The following COMMD10 variants were observed in gnomAD, a reference collection of about 807,000 sequenced individuals.
The protein encoded by COMMD10 is COMM domain containing 10.
In COMMD10, 33 loss-of-function variants were observed where a neutral mutation model predicts 28.9. The ratio of observed to expected loss-of-function variants is 1.14; its 90% confidence interval spans 0.87 to 1.53. The LOEUF is 1.53. COMMD10 is among the 40% of genes most tolerant of loss of function. COMMD10 has a pLI of 0.00. For synonymous variants in COMMD10, 110 were observed against 81.7 expected (o/e 1.35, Z -1.87); for missense variants, 310 against 233.4 (o/e 1.33, Z -2.14).
intron 4 of COMMD10, among the ~76,000 whole-genome samples, chr5:116,124,757 A>G (rs1751560479): frequency 6.6e-6 from 1 of 152,146 alleles, no homozygotes; most frequent in African/African-American, 2.4e-5. Flanking sequence ...GTGCTCCTGT[A>G]TTGGGTACAT....
At chr5:116,280,085 T>C (rs1044930867) in intron 5 of COMMD10, among the ~76,000 whole-genome samples, 2 of 151,970 alleles carry the variant, frequency 1.3e-5, no homozygotes, top group African/African-American at 4.8e-5. Context: ...TTATGAGTTA[T>C]TTCACCGTTA....
chr5:116,246,223 T>C (rs770169846), intron 5 of COMMD10, among the ~76,000 whole-genome samples: 2 of 151,978 alleles, frequency 1.3e-5, no homozygotes, highest in African/African-American at 2.4e-5. Flanking sequence ...AGGAACATAC[T>C]CCCATTCACA....
intron 5 of COMMD10, among the ~76,000 whole-genome samples, chr5:116,158,747 C>T (rs1030924651): frequency 1.3e-5 from 2 of 151,866 alleles, no homozygotes; most frequent in Non-Finnish European, 2.9e-5. Flanking sequence ...TCATTCCTGT[C>T]TTTGTAGTTT....
intron 5 of COMMD10, among the ~76,000 whole-genome samples, chr5:116,267,223 T>G (rs953711301): frequency 3.3e-5 from 5 of 151,918 alleles, no homozygotes; most frequent in Non-Finnish European, 5.9e-5. Context: ...CAAAATCTCC[T>G]TAAGCTGATA....
chr5:116,229,670 A>G (rs946312597), intron 5 of COMMD10, among the ~76,000 whole-genome samples: 2 of 149,746 alleles, frequency 1.3e-5, no homozygotes, highest in Non-Finnish European at 2.9e-5. Flanking sequence ...ACAGCTAGAA[A>G]ACAAATTATG....
intron 5 of COMMD10, among the ~76,000 whole-genome samples, chr5:116,165,389 C>G (rs1753055868): frequency 6.6e-6 from 1 of 152,116 alleles, no homozygotes; most frequent in Non-Finnish European, 1.5e-5. Context: ...TCACATACAT[C>G]TTATGTACTT....
Position 116,085,081 on chromosome 5 carries a change from G to C in COMMD10, c.29G>C (p.Arg10Pro), listed in dbSNP as rs376346392. 7 of 1,610,206 alleles carry C rather than the reference G, an allele frequency of 4.3e-6. No individual in the cohort carries two copies. Among genetic ancestry groups the C allele is most frequent in the African/African-American group, 1.3e-5 (1 of 74,884 alleles). Residue 10 changes from arginine (R) to proline (P), a missense_variant, in exon 1 of 7, where the codon CGG becomes CCG. Transcript: ENST00000274458. ...GCGGTCCCCGCGGCGCTGATCCTAC[G>C]GGAGAGCCCCAGGTAGCTGATCCGT... MAVPAALIL[R>P]ESPSMKKAVS...
At chr5:116,121,109 T>C (rs1751416406) in intron 4 of COMMD10, among the ~76,000 whole-genome samples, 1 of 152,130 alleles carries the variant, frequency 6.6e-6, no homozygotes, top group Non-Finnish European at 1.5e-5. Context: ...ATTAGATATT[T>C]CTCCTAATGC....
intron 5 of COMMD10, among the ~76,000 whole-genome samples, chr5:116,260,165 T>G (rs1193806601): frequency 6.6e-6 from 1 of 151,858 alleles, no homozygotes; most frequent in Non-Finnish European, 1.5e-5. Flanking sequence ...AATACAGATT[T>G]TGAAATTAAG....
At chr5:116,177,881 T>C (rs888799030) in intron 5 of COMMD10, among the ~76,000 whole-genome samples, 1 of 152,166 alleles carries the variant, frequency 6.6e-6, no homozygotes, top group Non-Finnish European at 1.5e-5. Flanking sequence ...TTTTTCCTTT[T>C]GGAATTTACA....
chr5:116,125,193 A>G (rs954604081), intron 4 of COMMD10, among the ~76,000 whole-genome samples: 6 of 152,050 alleles, frequency 3.9e-5, no homozygotes, highest in Non-Finnish European at 7.4e-5. Flanking sequence ...GGCTGGTACC[A>G]GTTGTTCCTT....
intron 1 of COMMD10, chr5:116,085,683 A>C (rs1251503829): frequency 1.3e-5 from 2 of 152,210 alleles, no homozygotes; most frequent in Non-Finnish European, 2.9e-5. Context: ...TTGGTTGTCC[A>C]TGGTAGTGAT....
At chr5:116,099,211 C>G (rs887263645) in intron 4 of COMMD10, among the ~76,000 whole-genome samples, 1 of 152,184 alleles carries the variant, frequency 6.6e-6, no homozygotes, top group Admixed American at 6.6e-5. Context: ...TATAAATTAG[C>G]TCATACAGTG....
chr5:116,151,183 C>G (rs1273516585), intron 5 of COMMD10, among the ~76,000 whole-genome samples: 1 of 151,612 alleles, frequency 6.6e-6, no homozygotes, highest in African/African-American at 2.4e-5. Context: ...GTATATTGAA[C>G]CAGCCTTGCA....
chr5:116,144,531 C>G (rs1176746288), intron 5 of COMMD10, among the ~76,000 whole-genome samples: 5 of 151,806 alleles, frequency 3.3e-5, no homozygotes, highest in Non-Finnish European at 5.9e-5. Flanking sequence ...CTTATAATCA[C>G]TACATAGTGT....
intron 5 of COMMD10, among the ~76,000 whole-genome samples, chr5:116,196,197 C>T (rs559807851): frequency 1.3e-5 from 2 of 152,118 alleles, no homozygotes; most frequent in Non-Finnish European, 2.9e-5. Context: ...AAATAAATGC[C>T]CATCAACCAA....
intron 5 of COMMD10, among the ~76,000 whole-genome samples, chr5:116,211,522 G>T (rs773033787): frequency 2.0e-5 from 3 of 151,994 alleles, no homozygotes; most frequent in Non-Finnish European, 4.4e-5. Flanking sequence ...ATCTTATGGG[G>T]CCACCATTGT....
intron 4 of COMMD10, among the ~76,000 whole-genome samples, chr5:116,128,057 A>C (rs1468559884): frequency 6.6e-6 from 1 of 152,122 alleles, no homozygotes; most frequent in East Asian, 1.9e-4. Flanking sequence ...GCTGTGGGAC[A>C]TAGTCGAAAA....
intron 5 of COMMD10, among the ~76,000 whole-genome samples, chr5:116,177,587 T>TA (rs1753558305): frequency 1.3e-5 from 2 of 151,190 alleles, no homozygotes; most frequent in East Asian, 3.9e-4. Flanking sequence ...CCTACTCTGT[T>TA]AGTTTCTTTT....
Sources: allele counts gnomAD v4.1 joint callset (sites outside exome capture counted in the v4.1 genomes callset), GRCh38; gene constraint gnomAD v4.1.1; transcripts MANE v1.5; gene names NCBI Gene and HGNC (gene_info 2026-07-23, HGNC 2026-07-21).